Variants in TRPM3 observed in about 807,000 individuals in gnomAD.
TRPM3 encodes the protein long transient receptor potential channel 3.
A neutral mutation model predicts 181.2 loss-of-function variants in TRPM3; 77 were observed. The ratio of observed to expected loss-of-function variants is 0.42; its 90% CI spans 0.35 to 0.51. TRPM3 has a LOEUF of 0.51. TRPM3 is among the 20% of genes least tolerant of loss of function. The probability of loss-of-function intolerance (pLI) is 0.01; values close to 1 mark genes in which losing one functional copy is unlikely to be tolerated. For synonymous variants in TRPM3, 745 were observed against 796.4 expected, an observed-to-expected ratio of 0.94 and a Z score of 1.09; for missense variants, 1,759 against 2,196.7, an observed-to-expected ratio of 0.80 and a Z score of 3.98.
At chr9:71,154,843 G>A (rs1052054417) in intron 1 of TRPM3, among the ~76,000 whole-genome samples, 2 of 152,082 alleles carry the variant, frequency 1.3e-5, no homozygotes, top group Admixed American at 6.6e-5. Flanking sequence ...ACCAAAGAAC[G>A]ATACAGTTTA....
intron 1 of TRPM3, among the ~76,000 whole-genome samples, chr9:71,151,760 C>T (rs1446522181): frequency 6.6e-6 from 1 of 151,940 alleles, no homozygotes; most frequent in Non-Finnish European, 1.5e-5. Context: ...ATAAAGGGCT[C>T]TTAAGTAGCC....
intron 5 of TRPM3, among the ~76,000 whole-genome samples, chr9:70,829,718 T>A (rs1339900298): frequency 2.6e-5 from 4 of 152,176 alleles, no homozygotes; most frequent in Non-Finnish European, 4.4e-5. Flanking sequence ...TTATTGTCTC[T>A]AGTAATTGCA....
chr9:71,413,783 G>C (rs2093597366), intron 1 of TRPM3, among the ~76,000 whole-genome samples: 1 of 151,928 alleles, frequency 6.6e-6, no homozygotes, highest in African/African-American at 2.4e-5. Flanking sequence ...TGGAAGCTGA[G>C]AGACTGGGCC....
chr9:70,860,092 T>C (rs1488055239), intron 3 of TRPM3, among the ~76,000 whole-genome samples: 1 of 152,228 alleles, frequency 6.6e-6, no homozygotes, highest in Admixed American at 6.5e-5. Flanking sequence ...ACTCTGTCTT[T>C]GTTACTTTTA....
chr9:70,848,473 A>G (rs2095075224), intron 3 of TRPM3, among the ~76,000 whole-genome samples: 1 of 152,220 alleles, frequency 6.6e-6, no homozygotes, highest in Non-Finnish European at 1.5e-5. Flanking sequence ...TACCAATTCT[A>G]ACATGCAGAA....
intron 1 of TRPM3, among the ~76,000 whole-genome samples, chr9:71,135,685 G>A (rs2074720285): frequency 6.6e-6 from 1 of 152,080 alleles, no homozygotes; most frequent in African/African-American, 2.4e-5. Flanking sequence ...AGAACATTGT[G>A]GGATTATGGA....
At chr9:70,579,234 T>A (rs1196878801) in intron 22 of TRPM3, 1 of 152,204 alleles carries the variant, frequency 6.6e-6, no homozygotes, top group African/African-American at 2.4e-5. Flanking sequence ...CCACGACCCA[T>A]CAGCATGGGA....
chr9:70,862,754 C>T (rs1324073989), intron 3 of TRPM3, among the ~76,000 whole-genome samples, 154 bp downstream of exon 3: 3 of 152,108 alleles, frequency 2.0e-5, no homozygotes, highest in Non-Finnish European at 4.4e-5. Context: ...GGTTGAGACA[C>T]ACAGGGGCAG....
chr9:71,277,975 G>T (rs1019027080), intron 1 of TRPM3, among the ~76,000 whole-genome samples: 1 of 152,202 alleles, frequency 6.6e-6, no homozygotes, highest in Non-Finnish European at 1.5e-5. Flanking sequence ...TATAAAGAGA[G>T]TGGGACAGCA....
chr9:71,298,244 C>T lies in TRPM3; in HGVS notation c.183+148409G>A, dbSNP rs185465912. Among the ~76,000 whole-genome samples, 9 of 152,158 alleles carry T rather than the reference C, an allele frequency of 5.9e-5. No homozygotes were observed. In the East Asian group the frequency reaches 1.5e-3, roughly 26 times the overall value. ...CCTTGTTTGATCTGGAAATCTTTAACGTTTGTTTTTGCTGCTTGTTTGTTT... is the reference window on the plus strand; with the variant it reads ...CCTTGTTTGATCTGGAAATCTTTAATGTTTGTTTTTGCTGCTTGTTTGTTT... On this transcript the variant is annotated intron_variant, in intron 1 of 24. Transcript: ENST00000357533.
chr9:71,093,412 A>G (rs890894318), intron 1 of TRPM3, among the ~76,000 whole-genome samples: 2 of 152,196 alleles, frequency 1.3e-5, no homozygotes, highest in Non-Finnish European at 2.9e-5. Context: ...CAACCCATCA[A>G]AAAGTGGGTG....
intron 1 of TRPM3, among the ~76,000 whole-genome samples, chr9:71,115,451 G>T (rs1223236289): frequency 6.6e-6 from 1 of 152,098 alleles, no homozygotes; most frequent in Non-Finnish European, 1.5e-5. Context: ...CGTTTTGTTG[G>T]TCACAGCCTG....
intron 9 of TRPM3, among the ~76,000 whole-genome samples, chr9:70,644,330 G>A (rs2058494758): frequency 6.6e-6 from 1 of 152,174 alleles, no homozygotes; most frequent in African/African-American, 2.4e-5. Context: ...AACCATTCTG[G>A]CTACCCGACC....
chr9:70,767,495 A>AAAT (rs2079380595), intron 7 of TRPM3, among the ~76,000 whole-genome samples: 1 of 152,206 alleles, frequency 6.6e-6, no homozygotes, highest in Non-Finnish European at 1.5e-5. Context: ...TTTATGTAAA[A>AAAT]CAGCACTTAT....
intron 1 of TRPM3, among the ~76,000 whole-genome samples, chr9:70,942,389 G>A (rs907075572): frequency 1.3e-5 from 2 of 152,152 alleles, no homozygotes; most frequent in African/African-American, 4.8e-5. Context: ...TGGAGTTCAA[G>A]AAGAGGAAAA....
intron 5 of TRPM3, among the ~76,000 whole-genome samples, chr9:70,832,240 T>C (rs2093982935): frequency 1.3e-5 from 2 of 150,498 alleles, no homozygotes; most frequent in Admixed American, 1.3e-4. Flanking sequence ...CATGTATACA[T>C]ATGTAACTAA....
intron 1 of TRPM3, among the ~76,000 whole-genome samples, chr9:71,334,372 A>G (rs2090416683): frequency 6.6e-6 from 1 of 151,830 alleles, no homozygotes; most frequent in Non-Finnish European, 1.5e-5. Context: ...GTTAACATAC[A>G]TGAGTTGCAA....
chr9:70,946,829 T>A lies in TRPM3; in HGVS notation c.178-82318A>T, dbSNP rs1201060622. Among the ~76,000 whole-genome samples, 7 of 152,278 alleles carry A rather than the reference T, an allele frequency of 4.6e-5. No homozygotes were observed. In the East Asian group the frequency reaches 1.3e-3, roughly 29 times the overall value. On this transcript the variant is annotated intron_variant, in intron 1 of 25. Transcript: ENST00000677713. ...TTTGTACTTTGCATAAAAAGGATCA[T>A]CTAATGTATAATCTATTGCGTCTTG...
At chr9:71,023,872 C>G (rs497934) in intron 1 of TRPM3, among the ~76,000 whole-genome samples, 131,098 of 152,182 alleles carry the variant, frequency 0.86, 56,543 homozygotes, top group East Asian at 1. Context: ...TTATAAAAAG[C>G]GTGACCCAAA....
Sources: allele counts gnomAD v4.1 joint callset (sites outside exome capture counted in the v4.1 genomes callset), GRCh38; gene constraint gnomAD v4.1.1; transcripts MANE v1.5; gene names NCBI Gene and HGNC (gene_info 2026-07-23, HGNC 2026-07-21).